Variants in SNX29 observed in about 807,000 individuals in gnomAD.
SNX29 encodes sorting nexin 29, also known as sorting nexin-29.
Under a neutral mutation model 102.1 loss-of-function variants are expected in SNX29, and 78 were observed. That is an observed-to-expected ratio of 0.76 (90% confidence interval 0.64 to 0.92). The LOEUF is 0.92. Ranked by LOEUF, SNX29 falls within the 40% of genes least tolerant of loss-of-function variation. SNX29 has a pLI of 0.00. For synonymous variants in SNX29, 580 were observed against 414.5 expected, an observed-to-expected ratio of 1.40 and a Z score of -4.85; for missense variants, 1,280 against 1,061.7, an observed-to-expected ratio of 1.21 and a Z score of -2.86.
At chr16:12,080,624 C>A (rs1489189874) in intron 11 of SNX29, among the ~76,000 whole-genome samples, 2 of 152,054 alleles carry the variant, frequency 1.3e-5, no homozygotes, top group African/African-American at 4.8e-5. Flanking sequence ...AAGCGATCCA[C>A]CCGCCTCAGC....
rs139480078 is a variant in SNX29 at position 12,573,468 on chromosome 16, G to C, written c.*4839G>C. The C allele has an allele frequency of 4.6e-4, 104 of 224,354 alleles. 1 individual carries two copies. Among genetic ancestry groups the C allele is most frequent in the African/African-American group, 2.1e-3 (95 of 44,986 alleles). The allele number at this position is 224,354 out of a possible 1,614,324, so 13.9% of individuals were successfully genotyped here. On this transcript the variant is annotated 3_prime_UTR_variant, in exon 21 of 21. Transcript: ENST00000566228. The stretch of plus-strand genomic sequence containing the variant: ...TGAGCCTATGACATTAAGGAGCAGC[G>C]CTGCTGGCGGAAGATTCTAGATTCA...
At chr16:12,385,875 C>T (rs1433919620) in intron 16 of SNX29, among the ~76,000 whole-genome samples, 8 of 152,198 alleles carry the variant, frequency 5.3e-5, no homozygotes, top group Non-Finnish European at 8.8e-5. Context: ...CTGGGACCAA[C>T]GGGATGTGCA....
intron 20 of SNX29, chr16:12,546,155 G>C (rs1226425949): frequency 2.0e-5 from 3 of 152,152 alleles, no homozygotes; most frequent in Non-Finnish European, 4.4e-5. Flanking sequence ...ACCTCCACCT[G>C]GTAACATAGG....
chr16:12,356,110 G>T, intron 15 of SNX29, 53 bp from the exon 16 acceptor site: 1 of 1,538,692 alleles, frequency 6.5e-7, no homozygotes, highest in South Asian at 1.2e-5. Context: ...GGCGGGATTG[G>T]TCCCTGGGGA....
At chr16:12,154,851 C>T (rs927444104) in intron 13 of SNX29, among the ~76,000 whole-genome samples, 8 of 152,272 alleles carry the variant, frequency 5.3e-5, no homozygotes, top group African/African-American at 1.2e-4. Flanking sequence ...TACAAAGGCA[C>T]GAATCCCATT....
At chr16:12,551,765 T>C (rs1276191959) in intron 20 of SNX29, among the ~76,000 whole-genome samples, 1 of 152,196 alleles carries the variant, frequency 6.6e-6, no homozygotes, top group Non-Finnish European at 1.5e-5. Context: ...CTTGTACACA[T>C]ACCAGGGGCC....
At chr16:12,406,914 G>A (rs1392079051) in intron 18 of SNX29, among the ~76,000 whole-genome samples, 5 of 152,124 alleles carry the variant, frequency 3.3e-5, no homozygotes, top group Admixed American at 2.6e-4. Flanking sequence ...GTCTCAAAAA[G>A]AAAGAAAGAA....
intron 13 of SNX29, among the ~76,000 whole-genome samples, chr16:12,141,526 T>TA (rs2054869052): frequency 6.6e-6 from 1 of 152,236 alleles, no homozygotes; most frequent in South Asian, 2.1e-4. Flanking sequence ...CCAACTGACT[T>TA]AGAGTACTTA....
At chr16:12,546,880 T>G (rs1323179930) in intron 20 of SNX29, among the ~76,000 whole-genome samples, 1 of 152,210 alleles carries the variant, frequency 6.6e-6, no homozygotes, top group Admixed American at 6.5e-5. Context: ...TGGTTTGGTT[T>G]TTCCAGGGCT....
chr16:12,440,807 A>G (rs78557797), intron 18 of SNX29, among the ~76,000 whole-genome samples: 1 of 152,212 alleles, frequency 6.6e-6, no homozygotes, highest in Non-Finnish European at 1.5e-5. Context: ...TCCATGGTGT[A>G]TATGTACCAC....
intron 3 of SNX29, among the ~76,000 whole-genome samples, chr16:12,011,152 CTT>C (rs1250518006): frequency 7.5e-6 from 1 of 134,074 alleles, no homozygotes; most frequent in Non-Finnish European, 1.6e-5. Context: ...ATTGCATACT[CTT>C]TTATTTTACT....
intron 11 of SNX29, chr16:12,094,937 A>G (rs1450044030): frequency 6.6e-6 from 1 of 152,156 alleles, no homozygotes; most frequent in Non-Finnish European, 1.5e-5. Flanking sequence ...AAAGAAAATG[A>G]TAGATCCCAG....
At chr16:12,380,588 ACCAT>A (rs2083053904) in intron 16 of SNX29, among the ~76,000 whole-genome samples, 1 of 92,052 alleles carries the variant, frequency 1.1e-5, no homozygotes, top group Non-Finnish European at 2.2e-5. Context: ...CCACCCACCC[ACCAT>A]CCATCCACCC....
At chr16:12,020,215 T>C (rs916592918) in intron 3 of SNX29, among the ~76,000 whole-genome samples, 1 of 152,084 alleles carries the variant, frequency 6.6e-6, no homozygotes, top group Non-Finnish European at 1.5e-5. Context: ...CTCCGCTTCC[T>C]GGGCTCAAGC....
At chr16:11,983,252 T>G (rs1424364810) in intron 1 of SNX29, among the ~76,000 whole-genome samples, 1 of 140,142 alleles carries the variant, frequency 7.1e-6, no homozygotes, top group African/African-American at 2.6e-5. Flanking sequence ...TTTTTTTTTT[T>G]TTTTTGTAGA....
intron 15 of SNX29, 142 bp downstream of exon 15, chr16:12,278,178 A>G: frequency 1.5e-6 from 1 of 662,568 alleles, no homozygotes; most frequent in Non-Finnish European, 2.6e-6. Context: ...AGCAAGACCA[A>G]ATCAGTGTGC....
At chr16:12,252,044 G>A (rs188230923) in intron 14 of SNX29, among the ~76,000 whole-genome samples, 2 of 152,270 alleles carry the variant, frequency 1.3e-5, no homozygotes, top group East Asian at 3.9e-4. Flanking sequence ...ACGGATATGA[G>A]CCACCACGCC....
At chr16:12,401,931 G>A (rs139918097) in intron 17 of SNX29, among the ~76,000 whole-genome samples, 2 of 152,316 alleles carry the variant, frequency 1.3e-5, no homozygotes, top group African/African-American at 4.8e-5. Flanking sequence ...AACCCAGGCT[G>A]GGGTAACCTC....
At chr16:12,143,038 C>G (rs1173785626) in intron 13 of SNX29, among the ~76,000 whole-genome samples, 1 of 151,060 alleles carries the variant, frequency 6.6e-6, no homozygotes, top group African/African-American at 2.4e-5. Context: ...GCTCTTGTTG[C>G]CCAGGCTGGA....
Sources: gnomAD v4.1 joint callset for allele counts (sites outside exome capture counted in the v4.1 genomes callset) on GRCh38, gnomAD v4.1.1 for gene constraint, MANE v1.5 for transcripts, NCBI Gene and HGNC (gene_info 2026-07-23, HGNC 2026-07-21) for gene names.